The following ST8SIA1 variants were observed in gnomAD, a reference collection of about 807,000 sequenced individuals.
ST8SIA1 encodes alpha-N-acetylneuraminide alpha-2,8-sialyltransferase.
ST8SIA1 carries 16 observed loss-of-function variants against 35.9 expected under a neutral mutation model. The ratio of observed to expected loss-of-function variants is 0.45; its 90% confidence interval spans 0.30 to 0.68. ST8SIA1 has a LOEUF of 0.68. ST8SIA1 is among the 30% of genes least tolerant of loss of function. ST8SIA1 has a pLI of 0.09. For synonymous variants in ST8SIA1, 170 were observed against 169.6 expected (o/e 1.00, Z -0.02); for missense variants, 383 against 453.6 (o/e 0.84, Z 1.41).
intron 2 of ST8SIA1, among the ~76,000 whole-genome samples, chr12:22,255,845 G>A (rs1865723327): frequency 6.6e-6 from 1 of 152,172 alleles, no homozygotes; most frequent in Non-Finnish European, 1.5e-5. Flanking sequence ...AACTGTTGGG[G>A]AGAGATACAT....
At chr12:22,259,580 C>T (rs1865764793) in intron 2 of ST8SIA1, among the ~76,000 whole-genome samples, 1 of 152,102 alleles carries the variant, frequency 6.6e-6, no homozygotes, top group African/African-American at 2.4e-5. Context: ...ATTCTCCTGC[C>T]TCGGCCTCCC....
At position 22,308,313 on chromosome 12, in the gene ST8SIA1, G is replaced by T. The variant is rs1866408866; in HGVS notation, c.237-21020C>A. Among the ~76,000 whole-genome samples the T allele has an allele frequency of 1.3e-5, 2 of 152,072 alleles. 1 individual carries two copies. The highest frequency in any genetic ancestry group is 4.1e-4 in the South Asian group (2 of 4,826). ...AGAAGATATAAAAGATAACAAAGAA[G>T]AAATTAAAAGTTAAAAAAGAACATA... On this transcript the variant is annotated intron_variant, in intron 1 of 4. Transcript: ENST00000396037.
chr12:22,258,300 A>T (rs1865750037), intron 2 of ST8SIA1, among the ~76,000 whole-genome samples: 4 of 152,138 alleles, frequency 2.6e-5, no homozygotes, highest in Admixed American at 2.6e-4. Context: ...GATGTCCTTT[A>T]GATACCCAGG....
At position 22,234,120 on chromosome 12, in the gene ST8SIA1, C is replaced by T. The variant is rs184188592; in HGVS notation, c.584+14886G>A. 2.2e-3 allele frequency among the ~76,000 whole-genome samples: 333 copies of T among 151,824 alleles called. 2 individuals carry two copies. The highest frequency in any genetic ancestry group is 7.8e-3 in the African/African-American group (324 of 41,402). ...ACTAAAAATGCAAAAGTTAGCTGGG[C>T]GTGGTGGTGGGTGCCTGTAATTCCA... On this transcript the variant is annotated intron_variant, in intron 4 of 4. Transcript: ENST00000396037.
chr12:22,297,317 A>G (rs528619272), intron 1 of ST8SIA1, among the ~76,000 whole-genome samples: 1 of 150,970 alleles, frequency 6.6e-6, no homozygotes, highest in Non-Finnish European at 1.5e-5. Flanking sequence ...AGAGGGTAAG[A>G]CCCTGGAGTC....
At chr12:22,255,432 A>G in intron 2 of ST8SIA1, 43 bp from the exon 3 acceptor site, 3 of 1,484,166 alleles carry the variant, frequency 2.0e-6, no homozygotes, top group Non-Finnish European at 2.8e-6. Flanking sequence ...CAAAGAACAC[A>G]CAACCGCTCA....
At chr12:22,212,988 T>A (rs1056296292) in intron 4 of ST8SIA1, among the ~76,000 whole-genome samples, 1 of 152,176 alleles carries the variant, frequency 6.6e-6, no homozygotes, top group African/African-American at 2.4e-5. Context: ...GTCTTTGAGA[T>A]CATTTTCAAA....
At chr12:22,318,466 T>G (rs192875929) in intron 1 of ST8SIA1, among the ~76,000 whole-genome samples, 4 of 152,130 alleles carry the variant, frequency 2.6e-5, no homozygotes, top group Non-Finnish European at 5.9e-5. Flanking sequence ...GAGAGCTAGA[T>G]AGTTAAGAGA....
chr12:22,311,818 T>C (rs1591853330), intron 1 of ST8SIA1, among the ~76,000 whole-genome samples: 2 of 152,214 alleles, frequency 1.3e-5, no homozygotes, highest in African/African-American at 4.8e-5. Context: ...TAAACAATAA[T>C]AGTTTATGTA....
At chr12:22,208,701 G>A (rs1447901428) in intron 4 of ST8SIA1, among the ~76,000 whole-genome samples, 1 of 152,020 alleles carries the variant, frequency 6.6e-6, no homozygotes, top group Non-Finnish European at 1.5e-5. Flanking sequence ...GAATAACAGA[G>A]AAAACTTAAC....
intron 3 of ST8SIA1, 137 bp downstream of exon 3, chr12:22,255,143 T>C: frequency 1.4e-6 from 1 of 702,516 alleles, no homozygotes; most frequent in South Asian, 1.7e-5. Flanking sequence ...CGCTTGTCTA[T>C]GAGCTGGAAG....
chr12:22,228,168 G>T (rs1417698083), intron 4 of ST8SIA1, among the ~76,000 whole-genome samples: 1 of 152,236 alleles, frequency 6.6e-6, no homozygotes, highest in Admixed American at 6.5e-5. Flanking sequence ...AGCAGAAAGG[G>T]CATGGCCCTA....
intron 1 of ST8SIA1, among the ~76,000 whole-genome samples, chr12:22,328,870 T>C (rs928603235): frequency 3.9e-5 from 6 of 152,158 alleles, no homozygotes; most frequent in Non-Finnish European, 8.8e-5. Context: ...AAATGAGCAA[T>C]GAAGGCTGAT....
intron 4 of ST8SIA1, among the ~76,000 whole-genome samples, chr12:22,228,118 T>C (rs778140070): frequency 1.3e-5 from 2 of 152,212 alleles, no homozygotes; most frequent in South Asian, 2.1e-4. Flanking sequence ...TTGTGAAGTA[T>C]GGTTGTCAAG....
In ST8SIA1 at chr12:22,286,430, T is replaced by C. The variant is rs1866102047; in HGVS notation, c.381+719A>G. The C allele has an allele frequency of 5.8e-6, 3 of 518,648 alleles. No individual in the cohort carries two copies. The Admixed American group carries it at 5.8e-5, about 10-fold the overall frequency. The allele number at this position is 518,648 out of a possible 1,614,324, so 32.1% of individuals were successfully genotyped here. On this transcript the variant is annotated intron_variant, in intron 2 of 4. Coordinates refer to ENST00000396037, the MANE Select transcript of ST8SIA1 (RefSeq NM_003034.4). ...TACAATCATCTGAGCAAACCAAGGG[T>C]GGCTAAAAGATGTCTTGGGGAGGCC...
chr12:22,260,165 C>CA (rs1555157843), intron 2 of ST8SIA1, among the ~76,000 whole-genome samples: 3 of 142,362 alleles, frequency 2.1e-5, no homozygotes, highest in African/African-American at 7.7e-5. Flanking sequence ...TTTTTTCTTC[C>CA]TTTTTTTTTT....
chr12:22,249,529 TTTTTGTTTTG>T (rs138699545), intron 3 of ST8SIA1, among the ~76,000 whole-genome samples: 12 of 151,992 alleles, frequency 7.9e-5, no homozygotes, highest in African/African-American at 2.2e-4. Flanking sequence ...CAGTAACTGT[TTTTTGTTTTG>T]TTTTGTTTTG....
intron 1 of ST8SIA1, among the ~76,000 whole-genome samples, chr12:22,327,236 C>T (rs1213239217): frequency 6.6e-6 from 1 of 152,230 alleles, no homozygotes; most frequent in Non-Finnish European, 1.5e-5. Context: ...ATCTGCATAA[C>T]AATCTGGAAT....
intron 1 of ST8SIA1, chr12:22,326,242 TGTG>T: frequency 5.0e-6 from 1 of 200,990 alleles, no homozygotes; most frequent in East Asian, 1.3e-4. Context: ...ATTCAGCAAA[TGTG>T]GTTGAATGAA....
Sources: gnomAD v4.1 joint callset for allele counts (sites outside exome capture counted in the v4.1 genomes callset) on GRCh38, gnomAD v4.1.1 for gene constraint, MANE v1.5 for transcripts, NCBI Gene and HGNC (gene_info 2026-07-23, HGNC 2026-07-21) for gene names.